GPHN: variants seen among roughly 807,000 people sequenced by gnomAD.
The protein encoded by GPHN is gephyrin.
Under a neutral mutation model 95.5 loss-of-function variants are expected in GPHN, and 17 were observed. That is an observed-to-expected ratio of 0.18 (90% CI 0.12 to 0.27). The LOEUF is 0.27. Ranked by LOEUF, GPHN falls within the 10% of genes least tolerant of loss-of-function variation. The pLI is 1.00. For synonymous variants in GPHN, 320 were observed against 322.5 expected, an observed-to-expected ratio of 0.99 and a Z score of 0.08; for missense variants, 660 against 978.1, an observed-to-expected ratio of 0.67 and a Z score of 4.34.
chr14:66,856,041 G>C (rs183608130), intron 4 of GPHN, among the ~76,000 whole-genome samples: 1 of 152,088 alleles, frequency 6.6e-6, no homozygotes, highest in East Asian at 1.9e-4. Context: ...AACAACACTA[G>C]TATTGATGAA....
chr14:67,009,703 G>T (rs2072851449), intron 9 of GPHN, among the ~76,000 whole-genome samples: 1 of 152,060 alleles, frequency 6.6e-6, no homozygotes, highest in South Asian at 2.1e-4. Context: ...TATACTAAAA[G>T]GTTTGAATTT....
At chr14:67,026,998 C>T (rs1051251823) in intron 10 of GPHN, among the ~76,000 whole-genome samples, 1 of 152,092 alleles carries the variant, frequency 6.6e-6, no homozygotes, top group Non-Finnish European at 1.5e-5. Flanking sequence ...TCAATAAGGC[C>T]TTCAAAACCC....
the GPHN span, among the ~76,000 whole-genome samples, chr14:67,450,660 T>G: frequency 1.1e-4 from 17 of 152,230 alleles, no homozygotes; most frequent in Non-Finnish European, 2.2e-4. Context: ...TGGAAGAAAC[T>G]TCTAAGTAGC....
the GPHN span, chr14:67,392,520 C>G: frequency 4.0e-6 from 5 of 1,239,496 alleles, no homozygotes; most frequent in Non-Finnish European, 5.9e-6. Context: ...TTCCTCAGGA[C>G]AGGAACCTCA....
chr14:67,625,416 C>T, the GPHN span, among the ~76,000 whole-genome samples: 55 of 152,144 alleles, frequency 3.6e-4, no homozygotes, highest in African/African-American at 1.0e-3. Context: ...CGGTGGCTCA[C>T]GCCTGTAATC....
intron 15 of GPHN, 85 bp downstream of exon 15, chr14:67,112,004 G>A (rs2078404756): frequency 1.9e-6 from 2 of 1,026,582 alleles, no homozygotes; most frequent in African/African-American, 3.1e-5. Flanking sequence ...CTATAAATCT[G>A]CAGCCATGTC....
At chr14:67,435,554 A>G in the GPHN span, among the ~76,000 whole-genome samples, 2 of 152,230 alleles carry the variant, frequency 1.3e-5, no homozygotes, top group East Asian at 3.8e-4. Flanking sequence ...GAGTGTTGTA[A>G]CACTGTGCTT....
At chr14:67,560,127 A>G in the GPHN span, among the ~76,000 whole-genome samples, 1 of 152,158 alleles carries the variant, frequency 6.6e-6, no homozygotes, top group Non-Finnish European at 1.5e-5. Context: ...CCCGGGTTCA[A>G]CCGATTCTCG....
the GPHN span, chr14:67,312,729 GA>G: frequency 6.5e-7 from 1 of 1,529,884 alleles, no homozygotes; most frequent in Non-Finnish European, 8.8e-7. Context: ...CAATATGGTA[GA>G]AAGTACATAA....
chr14:67,457,024 G>A, the GPHN span, among the ~76,000 whole-genome samples: 26 of 152,174 alleles, frequency 1.7e-4, no homozygotes, highest in Non-Finnish European at 3.7e-4. Context: ...AATTAATGCC[G>A]AAACAGAAAA....
At chr14:67,561,639 G>A in the GPHN span, among the ~76,000 whole-genome samples, 8 of 152,140 alleles carry the variant, frequency 5.3e-5, no homozygotes, top group South Asian at 2.1e-4. Flanking sequence ...AGGCTGAGGT[G>A]GGCAGATCGT....
the GPHN span, among the ~76,000 whole-genome samples, chr14:67,679,404 G>GT: frequency 0.1 from 14,170 of 140,726 alleles, 754 homozygotes; most frequent in Middle Eastern, 0.2. Flanking sequence ...TTAATTCCAA[G>GT]TTTTTTTTTT....
At chr14:67,727,173 T>C in the GPHN span, 2 of 1,613,392 alleles carry the variant, frequency 1.2e-6, no homozygotes, top group Non-Finnish European at 1.7e-6. Context: ...ACTCGTGAGC[T>C]GGCCAAGAGG....
chr14:67,546,493 C>T, the GPHN span, among the ~76,000 whole-genome samples: 3 of 152,286 alleles, frequency 2.0e-5, no homozygotes, highest in East Asian at 1.9e-4. Flanking sequence ...TGGGTTCAAG[C>T]GATTCTCCTG....
intron 10 of GPHN, among the ~76,000 whole-genome samples, chr14:67,054,612 A>G (rs1045966751): frequency 3.3e-5 from 5 of 152,220 alleles, no homozygotes; most frequent in African/African-American, 1.2e-4. Flanking sequence ...TTTAAAGTTC[A>G]TATGGAACCA....
At chr14:67,568,377 C>A in the GPHN span, among the ~76,000 whole-genome samples, 403 of 152,116 alleles carry the variant, frequency 2.6e-3, 2 homozygotes, top group Non-Finnish European at 3.1e-3. Context: ...TTCTCACTTA[C>A]AAGTGGGAGC....
At chr14:67,060,397 A>C (rs537096985) in intron 11 of GPHN, among the ~76,000 whole-genome samples, 3 of 152,196 alleles carry the variant, frequency 2.0e-5, no homozygotes, top group Non-Finnish European at 4.4e-5. Flanking sequence ...TATGATGATG[A>C]AAAATAATAA....
At chr14:66,723,982 TACATACACACACACAC>T (rs1401192267) in intron 2 of GPHN, among the ~76,000 whole-genome samples, 8 of 143,146 alleles carry the variant, frequency 5.6e-5, no homozygotes, top group South Asian at 2.3e-4. Flanking sequence ...ATGTCATGCA[TACATACACACACACAC>T]ACACACACAC....
At chr14:67,698,355 C>T in the GPHN span, among the ~76,000 whole-genome samples, 350 of 152,254 alleles carry the variant, frequency 2.3e-3, 1 homozygote, top group African/African-American at 7.9e-3. Flanking sequence ...AGTCCCAGCT[C>T]TTTGGGAGGC....
Sources: allele counts gnomAD v4.1 joint callset (sites outside exome capture counted in the v4.1 genomes callset), GRCh38; gene constraint gnomAD v4.1.1; transcripts MANE v1.5; gene names NCBI Gene and HGNC (gene_info 2026-07-23, HGNC 2026-07-21).